Variants in RALGAPA1 observed in about 807,000 individuals in gnomAD.
The protein encoded by RALGAPA1 is Ral GTPase activating protein catalytic subunit alpha 1, also known as ral GTPase-activating protein subunit alpha-1.
Under a neutral mutation model 269.6 loss-of-function variants are expected in RALGAPA1, and 52 were observed. The observed-to-expected ratio is 0.19, with a 90% CI of 0.15 to 0.24. RALGAPA1 has a LOEUF of 0.24. RALGAPA1 is among the 10% of genes least tolerant of loss of function. The pLI, the probability that RALGAPA1 is intolerant of heterozygous loss-of-function variation, is 1.00. For synonymous variants in RALGAPA1, 817 were observed against 1,008.3 expected, an observed-to-expected ratio of 0.81 and a Z score of 3.60; for missense variants, 1,917 against 3,013.9, an observed-to-expected ratio of 0.64 and a Z score of 8.52.
intron 31 of RALGAPA1, among the ~76,000 whole-genome samples, chr14:35,643,885 G>A (rs556884995): frequency 2.6e-5 from 4 of 152,184 alleles, no homozygotes; most frequent in Non-Finnish European, 5.9e-5. Context: ...ACCAGAGACT[G>A]GGAAGGGCAG....
intron 36 of RALGAPA1, among the ~76,000 whole-genome samples, chr14:35,600,235 T>TTTTC (rs1254295545): frequency 2.3e-4 from 33 of 140,898 alleles, no homozygotes; most frequent in African/African-American, 7.6e-4. Context: ...TTTTTTTCTT[T>TTTTC]TTTTTTTTTT....
At position 35,548,751 on chromosome 14, in the gene RALGAPA1, A is replaced by T. The variant is rs78226356; in HGVS notation, c.7622-213T>A. 5.1e-3 allele frequency among the ~76,000 whole-genome samples: 783 copies of T among 152,260 alleles called. 10 individuals carry two copies. Among genetic ancestry groups the T allele is most frequent in the African/African-American group, 0.018 (730 of 41,570 alleles). ...ATTAGCTTTAGCTGTAAAATCAGAG[A>T]TGATGGGGTGATATTCTTGGCCACA... On this transcript the variant is annotated intron_variant, in intron 40 of 41. Transcript: ENST00000680220.
In RALGAPA1 at chr14:35,725,094, T is replaced by C. The variant is rs1747029861; in HGVS notation, c.1796A>G (p.Gln599Arg). The C allele has an allele frequency of 6.2e-7, 1 of 1,609,790 alleles. No individual in the cohort carries two copies. Among genetic ancestry groups the C allele is most frequent in the Non-Finnish European group, 8.5e-7 (1 of 1,177,612 alleles). ...VTESVLKMPS[Q>R]AFLQFQGKKN... Reference sequence around the variant, plus strand: ...TTTCCCTTGGAACTGTAGAAAAGCTTGTGATGGCATCTTCAGTACAGATTC... The same window carrying C: ...TTTCCCTTGGAACTGTAGAAAAGCTCGTGATGGCATCTTCAGTACAGATTC... Residue 599 changes from glutamine (Q) to arginine (R), a missense_variant, in exon 14 of 42, where the codon CAA (glutamine) becomes CGA (arginine). Physicochemically the swap from Gln to Arg is conservative, Grantham distance 43. Around this residue, in one of 11 missense-constraint regions of RALGAPA1, gnomAD observed 462 missense variants for 725.6 expected, o/e 0.64. Coordinates refer to ENST00000680220, the MANE Select transcript of RALGAPA1 (RefSeq NM_001346249.2).
At position 35,756,897 on chromosome 14, in the gene RALGAPA1, T is replaced by C; in HGVS notation, c.559A>G (p.Ile187Val). The part of the protein sequence containing the change: ...PLNLQETQVT[I>V]EEITPLVPPQ... ...GGGACAAGAGGAGTGATTTCTTCTATAGTGACTTGAGCTATCCAAAGACAA... is the reference window on the plus strand; with the variant it reads ...GGGACAAGAGGAGTGATTTCTTCTACAGTGACTTGAGCTATCCAAAGACAA... The change falls in exon 7 of 42, where the codon ATA (isoleucine) becomes GTA (valine). Residue 187 changes from isoleucine to valine, a missense_variant. Transcript: ENST00000680220. 2 of 1,608,672 alleles carry C rather than the reference T, an allele frequency of 1.2e-6. No individual in the cohort carries two copies. Among genetic ancestry groups the C allele is most frequent in the Middle Eastern group, 1.7e-4 (1 of 5,820 alleles).
chr14:35,798,765 C>T (rs978075518), intron 1 of RALGAPA1, among the ~76,000 whole-genome samples: 1 of 151,898 alleles, frequency 6.6e-6, no homozygotes, highest in Non-Finnish European at 1.5e-5. Flanking sequence ...CCCAGGCACA[C>T]GATCACTTGG....
chr14:35,764,221 GCTGGGA>G (rs1459190188), intron 4 of RALGAPA1, among the ~76,000 whole-genome samples: 1 of 151,860 alleles, frequency 6.6e-6, no homozygotes, highest in Non-Finnish European at 1.5e-5. Context: ...CTCCTGAGTA[GCTGGGA>G]CTACAGATGT....
intron 1 of RALGAPA1, among the ~76,000 whole-genome samples, chr14:35,794,543 G>A (rs754798918): frequency 2.0e-5 from 3 of 151,974 alleles, no homozygotes; most frequent in African/African-American, 4.8e-5. Flanking sequence ...TGCAAGCTCC[G>A]CCTCCTGGGT....
Position 35,627,743 on chromosome 14 carries a change from T to G in RALGAPA1, c.6204A>C (p.Leu2068Phe), listed in dbSNP as rs376230806. The part of the protein sequence containing the change: ...FESPNIQFFV[L>F]NNTTLVSCIQ... ...TACAGGACACTAAGGTTGTATTATT[T>G]AACACAAAGAACTGGATATTTGGAC... Residue 2068 changes from leucine to phenylalanine, a missense_variant, in exon 34 of 42, where the codon TTA becomes TTC. Leu to Phe is a conservative substitution (Grantham distance 22). Around this residue, in one of 11 missense-constraint regions of RALGAPA1, gnomAD observed 346 missense variants for 566.1 expected, o/e 0.61. Transcript: ENST00000680220. 101 of 1,613,966 alleles carry G rather than the reference T, an allele frequency of 6.3e-5. No homozygotes were observed. In the Admixed American group the frequency reaches 1.7e-3, roughly 27 times the overall value.
chr14:35,622,549 T>C (rs2060703289), intron 35 of RALGAPA1, among the ~76,000 whole-genome samples: 1 of 152,060 alleles, frequency 6.6e-6, no homozygotes, highest in Admixed American at 6.5e-5. Flanking sequence ...ACTTACAATG[T>C]GCCCACAAAA....
Position 35,757,185 on chromosome 14 carries a change from G to T in RALGAPA1, c.548-277C>A, listed in dbSNP as rs1040307826. Among the ~76,000 whole-genome samples, 3 of 150,350 alleles carry T rather than the reference G, an allele frequency of 2.0e-5. No individual in the cohort carries two copies. In the South Asian group the frequency reaches 6.3e-4, roughly 32 times the overall value. On this transcript the variant is annotated intron_variant, in intron 6 of 41. Transcript: ENST00000680220. ...CTGGCTGGAGTGCAATGAATGGCACGATCTCGGCTCACTGCAACCTCCGCC... is the reference window on the plus strand; with the variant it reads ...CTGGCTGGAGTGCAATGAATGGCACTATCTCGGCTCACTGCAACCTCCGCC...
chr14:35,666,624 G>A (rs146063034), intron 26 of RALGAPA1, among the ~76,000 whole-genome samples: 5 of 152,296 alleles, frequency 3.3e-5, no homozygotes, highest in African/African-American at 1.2e-4. Flanking sequence ...GGTTTCCTAT[G>A]CAGCCTTTCT....
At chr14:35,666,380 C>T (rs1181288112) in intron 26 of RALGAPA1, among the ~76,000 whole-genome samples, 1 of 152,092 alleles carries the variant, frequency 6.6e-6, no homozygotes, top group Non-Finnish European at 1.5e-5. Flanking sequence ...TCTATCCCAA[C>T]TTCATAGTTA....
intron 31 of RALGAPA1, among the ~76,000 whole-genome samples, chr14:35,648,713 A>T (rs961911944): frequency 6.6e-6 from 1 of 152,080 alleles, no homozygotes; most frequent in Non-Finnish European, 1.5e-5. Context: ...TGGGAGGATC[A>T]CTTGAGTGTG....
At chr14:35,613,703 C>A (rs926447822) in intron 35 of RALGAPA1, among the ~76,000 whole-genome samples, 35 of 152,146 alleles carry the variant, frequency 2.3e-4, no homozygotes, top group Non-Finnish European at 4.6e-4. Flanking sequence ...TGTTTCTTCA[C>A]GTGGCTTTCT....
At chr14:35,710,634 A>C (rs1245651076) in intron 16 of RALGAPA1, among the ~76,000 whole-genome samples, 1 of 152,178 alleles carries the variant, frequency 6.6e-6, no homozygotes, top group African/African-American at 2.4e-5. Context: ...TTTGTCATGC[A>C]CTGCATAATG....
intron 34 of RALGAPA1, among the ~76,000 whole-genome samples, chr14:35,626,732 T>C (rs1004914916): frequency 2.0e-5 from 3 of 152,140 alleles, no homozygotes; most frequent in Non-Finnish European, 4.4e-5. Flanking sequence ...GATTCTTTTT[T>C]TGATTTGACC....
chr14:35,625,072 T>C (rs2060905071), intron 35 of RALGAPA1, among the ~76,000 whole-genome samples: 1 of 144,584 alleles, frequency 6.9e-6, no homozygotes, highest in Non-Finnish European at 1.5e-5. Flanking sequence ...TGGGTGCCTG[T>C]AGTCCCAGCT....
At chr14:35,544,496 C>T (rs1004547713) in intron 41 of RALGAPA1, among the ~76,000 whole-genome samples, 7 of 152,282 alleles carry the variant, frequency 4.6e-5, no homozygotes, top group Admixed American at 1.3e-4. Context: ...CAGTGTCTGG[C>T]ACTCAGTAAT....
chr14:35,642,923 G>A (rs11846448), intron 31 of RALGAPA1, among the ~76,000 whole-genome samples: 6,217 of 152,156 alleles, frequency 0.041, 365 homozygotes, highest in African/African-American at 0.12. Context: ...GCAAAGACTT[G>A]GAACCAACTC....
Sources: gnomAD v4.1 joint callset for allele counts (sites outside exome capture counted in the v4.1 genomes callset) on GRCh38, gnomAD v4.1.1 for gene constraint, gnomAD v4.1.1 regional missense constraint, MANE v1.5 for transcripts, NCBI Gene and HGNC (gene_info 2026-07-23, HGNC 2026-07-21) for gene names.